AMOT: variants seen among roughly 807,000 people sequenced by gnomAD.
AMOT encodes angiomotin.
AMOT carries 11 observed loss-of-function variants against 67.0 expected under a neutral mutation model. The ratio of observed to expected loss-of-function variants is 0.16; its 90% CI spans 0.10 to 0.27. The LOEUF (loss-of-function observed/expected upper bound fraction) is 0.27. AMOT is among the 10% of genes least tolerant of loss of function. The probability of loss-of-function intolerance (pLI) is 1.00; values close to 1 mark genes in which losing one functional copy is unlikely to be tolerated. For missense variants in AMOT, 753 were observed against 852.0 expected, an observed-to-expected ratio of 0.88 and a Z score of 1.45; for synonymous variants, 326 against 321.4, an observed-to-expected ratio of 1.01 and a Z score of -0.15.
In AMOT at chrX:112,815,657, C is replaced by A. The variant is rs767223304; in HGVS notation, c.1093G>T (p.Asp365Tyr). ...CCAGGTTGGGAGAGACGGTAATGAT[C>A]CCCCTGGTGAGCCTGATTAGGAAGG... ...HFLPNQAHQG[D>Y]HYRLSQPGLS... The change falls in exon 5 of 14, where the codon GAT (aspartate) becomes TAT (tyrosine). Residue 365 changes from aspartate to tyrosine, a missense_variant. Physicochemically the swap from Asp to Tyr is radical, Grantham distance 160. Transcript: ENST00000371959. 2 of 1,182,361 alleles carry A rather than the reference C, an allele frequency of 1.7e-6. No homozygotes were observed. Among genetic ancestry groups the A allele is most frequent in the African/African-American group, 3.6e-5 (2 of 55,961 alleles).
intron 10 of AMOT, among the ~76,000 whole-genome samples, chrX:112,788,221 G>A (rs933603692): frequency 2.9e-4 from 32 of 109,106 alleles, no homozygotes; most frequent in African/African-American, 8.7e-4. Flanking sequence ...CCCGGGAGGC[G>A]GAGGCTGCAG....
chrX:112,780,820 A>G (rs1453495571), intron 12 of AMOT, 66 bp downstream of exon 12: 3 of 1,075,764 alleles, frequency 2.8e-6, no homozygotes, highest in Admixed American at 2.2e-5. Context: ...TTCCTTAAGC[A>G]TGGGTGCTTA....
chrX:112,789,246 T>A (rs1001142597), intron 10 of AMOT, among the ~76,000 whole-genome samples: 1 of 111,930 alleles, frequency 8.9e-6, no homozygotes, highest in Non-Finnish European at 1.9e-5. Flanking sequence ...GGTGTTTCCT[T>A]GGGAGCTAGC....
At position 112,836,282 on chromosome X, in the gene AMOT, G is replaced by A. The variant is rs751160545; in HGVS notation, c.-288-3912C>T. Among the ~76,000 whole-genome samples, 13 of 111,644 alleles carry A rather than the reference G, an allele frequency of 1.2e-4. No homozygotes were observed. The East Asian group carries it at 3.7e-3, about 31-fold the overall frequency. On this transcript the variant is annotated intron_variant, in intron 1 of 13. Coordinates refer to ENST00000371959, the MANE Select transcript of AMOT (RefSeq NM_001113490.2). Reference sequence around the variant, plus strand: ...GTTTTGTTGTTGTTGTTGTTAACAAGAATGGGGGAGGGATAACAGGAGGTC... The same window carrying A: ...GTTTTGTTGTTGTTGTTGTTAACAAAAATGGGGGAGGGATAACAGGAGGTC...
At chrX:112,818,101 G>A (rs1242940331) in intron 4 of AMOT, among the ~76,000 whole-genome samples, 1 of 111,237 alleles carries the variant, frequency 9.0e-6, no homozygotes, top group African/African-American at 3.3e-5. Context: ...CAAATTTTAA[G>A]GGAAAAAAAT....
At chrX:112,818,194 G>T (rs1412286650) in intron 4 of AMOT, among the ~76,000 whole-genome samples, 1 of 111,315 alleles carries the variant, frequency 9.0e-6, no homozygotes, top group Non-Finnish European at 1.9e-5. Context: ...TGAACGCCCA[G>T]TTCTGAAATG....
At chrX:112,797,516 C>G (rs2147793832) in intron 8 of AMOT, among the ~76,000 whole-genome samples, 1 of 112,038 alleles carries the variant, frequency 8.9e-6, no homozygotes, top group African/African-American at 3.2e-5. Flanking sequence ...TGTAGTGGCT[C>G]ACACCTGTAA....
chrX:112,796,033 T>TAA (rs746583302), intron 8 of AMOT, among the ~76,000 whole-genome samples: 2,283 of 99,713 alleles, frequency 0.023, 75 homozygotes, highest in African/African-American at 0.078. Context: ...TTCAGAAGTT[T>TAA]AAAAAAAAAA....
chrX:112,781,337 G>A (rs759636709), intron 11 of AMOT, among the ~76,000 whole-genome samples: 1 of 108,837 alleles, frequency 9.2e-6, no homozygotes, highest in Admixed American at 9.8e-5. Context: ...CTACTCGGGA[G>A]GCCGAGGCAG....
At chrX:112,780,659 G>A (rs1255958686) in intron 12 of AMOT, 15 of 399,134 alleles carry the variant, frequency 3.8e-5, no homozygotes, top group Non-Finnish European at 6.1e-5. Flanking sequence ...CAAGATTCTT[G>A]TCCTCTAAGC....
At chrX:112,810,713 GA>G (rs5903400) in intron 6 of AMOT, among the ~76,000 whole-genome samples, 16,344 of 79,683 alleles carry the variant, frequency 0.21, 1,357 homozygotes, top group African/African-American at 0.35. Context: ...CCAACTCAAA[GA>G]AAAAAAAAAG....
intron 10 of AMOT, among the ~76,000 whole-genome samples, chrX:112,784,256 G>C (rs1933295738): frequency 8.9e-6 from 1 of 112,154 alleles, no homozygotes; most frequent in Non-Finnish European, 1.9e-5. Context: ...TCTGAATACA[G>C]ACAACTCAGC....
intron 3 of AMOT, among the ~76,000 whole-genome samples, 193 bp from the exon 4 acceptor site, chrX:112,823,381 C>T (rs5974284): frequency 0.02 from 2,228 of 111,804 alleles, 24 homozygotes; most frequent in Middle Eastern, 0.042. Context: ...GGCATAAGAG[C>T]TCTAGGTTTT....
At chrX:112,835,141 T>G (rs1251634331) in intron 1 of AMOT, among the ~76,000 whole-genome samples, 6 of 89,051 alleles carry the variant, frequency 6.7e-5, no homozygotes, top group African/African-American at 2.1e-4. Context: ...GTGCCCAATA[T>G]GAAGCATGCC....
chrX:112,837,082 T>G (rs1433254142), intron 1 of AMOT, among the ~76,000 whole-genome samples: 3 of 111,565 alleles, frequency 2.7e-5, no homozygotes, highest in African/African-American at 9.8e-5. Context: ...TAGCTGGAAA[T>G]AAAACATTTT....
intron 8 of AMOT, among the ~76,000 whole-genome samples, chrX:112,802,093 T>C (rs1934035057): frequency 1.8e-5 from 2 of 112,175 alleles, no homozygotes; most frequent in African/African-American, 6.5e-5. Flanking sequence ...AGGATAACTC[T>C]TCTATTCATG....
intron 6 of AMOT, among the ~76,000 whole-genome samples, 168 bp from the exon 7 acceptor site, chrX:112,810,154 C>T (rs1179805734): frequency 8.9e-6 from 1 of 111,732 alleles, no homozygotes; most frequent in African/African-American, 3.3e-5. Context: ...TAATACTAGA[C>T]CATGGCCGGG....
chrX:112,819,684 C>A (rs139794990), intron 4 of AMOT, among the ~76,000 whole-genome samples: 1 of 112,240 alleles, frequency 8.9e-6, no homozygotes, highest in Non-Finnish European at 1.9e-5. Flanking sequence ...GGGTTCTGGG[C>A]ATTCAAGGTA....
chrX:112,788,275 C>G (rs932188919), intron 10 of AMOT, among the ~76,000 whole-genome samples: 1 of 101,132 alleles, frequency 9.9e-6, no homozygotes, highest in Non-Finnish European at 2.0e-5. Flanking sequence ...GGCAACAGAG[C>G]GAGACTCCTT....
Sources: gnomAD v4.1 joint callset for allele counts (sites outside exome capture counted in the v4.1 genomes callset) on GRCh38, gnomAD v4.1.1 for gene constraint, MANE v1.5 for transcripts, NCBI Gene and HGNC (gene_info 2026-07-23, HGNC 2026-07-21) for gene names.